The following TENM3 variants were observed in gnomAD, a reference collection of about 807,000 sequenced individuals.
TENM3 encodes the protein teneurin transmembrane protein 3.
Under a neutral mutation model 255.1 loss-of-function variants are expected in TENM3, and 63 were observed. The ratio of observed to expected loss-of-function variants is 0.25; its 90% CI spans 0.20 to 0.30. TENM3 has a LOEUF of 0.30. Among genes scored for constraint, TENM3 ranks in the 10% least tolerant of loss-of-function variants. The pLI is 1.00. For synonymous variants in TENM3, 1,306 were observed against 1,322.3 expected (o/e 0.99, Z 0.27); for missense variants, 2,929 against 3,461.1 (o/e 0.85, Z 3.86).
intron 1 of TENM3, among the ~76,000 whole-genome samples, chr4:182,295,779 A>T (rs1329976208): frequency 1.3e-5 from 2 of 152,118 alleles, no homozygotes; most frequent in Admixed American, 1.3e-4. Flanking sequence ...GTTTTGCTTC[A>T]TGGAAAAGAT....
At chr4:182,196,732 G>T (rs1398326193) in intron 1 of TENM3, among the ~76,000 whole-genome samples, 46 of 152,146 alleles carry the variant, frequency 3.0e-4, no homozygotes, top group Non-Finnish European at 2.8e-4. Context: ...GATCATTAAA[G>T]TTTTTCTTTT....
At chr4:181,496,570 T>G in the TENM3 span, among the ~76,000 whole-genome samples, 1 of 152,226 alleles carries the variant, frequency 6.6e-6, no homozygotes, top group African/African-American at 2.4e-5. Context: ...GATGTAACTT[T>G]TCAATGTATA....
chr4:181,666,011 A>T, the TENM3 span, among the ~76,000 whole-genome samples: 6 of 152,164 alleles, frequency 3.9e-5, no homozygotes, highest in African/African-American at 1.4e-4. Flanking sequence ...CTGTAAACTT[A>T]ATCATGATTT....
intron 1 of TENM3, among the ~76,000 whole-genome samples, chr4:182,197,940 A>G (rs1419286805): frequency 6.6e-6 from 1 of 152,114 alleles, no homozygotes; most frequent in Admixed American, 6.5e-5. Flanking sequence ...CTGCGTCTCT[A>G]CTAAAAATAC....
chr4:182,522,862 AG>A (rs1451696871), intron 3 of TENM3, among the ~76,000 whole-genome samples: 1 of 152,162 alleles, frequency 6.6e-6, no homozygotes, highest in East Asian at 1.9e-4. Context: ...TAGTTTTTTG[AG>A]GAACCTTCCT....
At chr4:181,518,324 A>T in the TENM3 span, among the ~76,000 whole-genome samples, 3 of 152,094 alleles carry the variant, frequency 2.0e-5, no homozygotes, top group African/African-American at 7.2e-5. Flanking sequence ...CCCTTTAAAA[A>T]TATAATTAGA....
At chr4:181,821,304 GC>G in the TENM3 span, among the ~76,000 whole-genome samples, 1 of 152,060 alleles carries the variant, frequency 6.6e-6, no homozygotes, top group Non-Finnish European at 1.5e-5. Context: ...CTCCAAAAAA[GC>G]CCTCCCAGAT....
chr4:181,593,474 C>A, the TENM3 span, among the ~76,000 whole-genome samples: 1 of 152,200 alleles, frequency 6.6e-6, no homozygotes, highest in African/African-American at 2.4e-5. Context: ...TAAGGCAACG[C>A]TGCTTTGTTA....
chr4:182,329,795 G>A (rs190988365), intron 2 of TENM3, among the ~76,000 whole-genome samples: 1 of 152,208 alleles, frequency 6.6e-6, no homozygotes, highest in Non-Finnish European at 1.5e-5. Flanking sequence ...GAAGAAGAGA[G>A]GTTAATGGTT....
At chr4:182,289,723 C>A (rs1452582245) in intron 1 of TENM3, among the ~76,000 whole-genome samples, 3 of 150,244 alleles carry the variant, frequency 2.0e-5, no homozygotes, top group Non-Finnish European at 4.4e-5. Flanking sequence ...AGTCTTGTAT[C>A]TGAGGCTTAG....
At chr4:181,695,967 C>A in the TENM3 span, among the ~76,000 whole-genome samples, 4 of 151,476 alleles carry the variant, frequency 2.6e-5, no homozygotes, top group African/African-American at 9.7e-5. Context: ...CACTTCCATG[C>A]AAGTCAGAAT....
At chr4:181,575,562 T>C in the TENM3 span, among the ~76,000 whole-genome samples, 4 of 152,246 alleles carry the variant, frequency 2.6e-5, no homozygotes, top group Admixed American at 6.5e-5. Context: ...TTCTCAACTA[T>C]GCTTTTTCTT....
At chr4:182,030,367 GA>G in the TENM3 span, among the ~76,000 whole-genome samples, 98 of 152,104 alleles carry the variant, frequency 6.4e-4, no homozygotes, top group Admixed American at 5.6e-3. Context: ...GTTTGCTGAG[GA>G]TAATGGCTTC....
At chr4:182,114,192 G>A in the TENM3 span, among the ~76,000 whole-genome samples, 2 of 152,192 alleles carry the variant, frequency 1.3e-5, no homozygotes, top group Non-Finnish European at 2.9e-5. Context: ...ATCATGTGCA[G>A]TTGTTAGAAT....
chr4:181,936,186 G>A, the TENM3 span, among the ~76,000 whole-genome samples: 1 of 152,134 alleles, frequency 6.6e-6, no homozygotes, highest in Non-Finnish European at 1.5e-5. Flanking sequence ...GAGGTCAGGA[G>A]TTCGAGACCA....
In TENM3 at chr4:182,799,723, C is replaced by G; in HGVS notation, c.7472C>G (p.Thr2491Arg). The change falls in exon 28 of 28, where the codon ACG becomes AGG. Residue 2491 changes from threonine (T) to arginine (R), a missense_variant. Thr to Arg is a moderately conservative substitution (Grantham distance 71, BLOSUM62 -1). This residue lies in a region of TENM3 where 476 missense variants were observed against 480.1 expected (regional missense o/e 0.99). Transcript: ENST00000511685. The surrounding 1 kb of genome is among the most constrained non-coding windows in gnomAD (Gnocchi z 4.2). ...GCGCAGTCCTGGCTGTGGTTCGCCA[C>G]GGTCAAGTCGCTGATCGGCAAGGGC... ...GGAQSWLWFA[T>R]VKSLIGKGVM... The G allele has an allele frequency of 6.4e-7, 1 of 1,553,644 alleles. No homozygotes were observed. Among genetic ancestry groups the G allele is most frequent in the Non-Finnish European group, 8.7e-7 (1 of 1,149,156 alleles).
At chr4:182,063,540 C>A in the TENM3 span, among the ~76,000 whole-genome samples, 1 of 152,080 alleles carries the variant, frequency 6.6e-6, no homozygotes, top group South Asian at 2.1e-4. Flanking sequence ...CCCAAAACAT[C>A]GAAGTATTAC....
At chr4:182,145,314 G>A (rs1177615693) in intron 1 of TENM3, 1 of 152,362 alleles carries the variant, frequency 6.6e-6, no homozygotes, top group Non-Finnish European at 1.5e-5. Flanking sequence ...AGCGTGGGGA[G>A]TGGTGGATCA....
the TENM3 span, among the ~76,000 whole-genome samples, chr4:181,845,094 T>C: frequency 2.6e-5 from 4 of 152,228 alleles, no homozygotes; most frequent in African/African-American, 4.8e-5. Flanking sequence ...GTTTCTAAAT[T>C]TGTATAATTA....
Sources: allele counts gnomAD v4.1 joint callset (sites outside exome capture counted in the v4.1 genomes callset), GRCh38; gene constraint gnomAD v4.1.1; regional missense constraint gnomAD v4.1.1; non-coding constraint Gnocchi (gnomAD v3.1); transcripts MANE v1.5; gene names NCBI Gene and HGNC (gene_info 2026-07-23, HGNC 2026-07-21).